ANKRD12: variants seen among roughly 807,000 people sequenced by gnomAD.
ANKRD12 encodes the protein ankyrin repeat domain-containing protein 12.
Under a neutral mutation model 183.4 loss-of-function variants are expected in ANKRD12, and 85 were observed. That is an observed-to-expected ratio of 0.46 (90% CI 0.39 to 0.56). ANKRD12 has a LOEUF of 0.56. Among genes scored for constraint, ANKRD12 ranks in the 20% least tolerant of loss-of-function variants. The probability of loss-of-function intolerance (pLI) is 0.00; values close to 1 mark genes in which losing one functional copy is unlikely to be tolerated. For synonymous variants in ANKRD12, 914 were observed against 800.2 expected (o/e 1.14, Z -2.40); for missense variants, 2,405 against 2,357.1 (o/e 1.02, Z -0.42).
At chr18:9,215,691 GA>G (rs1280426429) in intron 6 of ANKRD12, among the ~76,000 whole-genome samples, 1 of 151,870 alleles carries the variant, frequency 6.6e-6, no homozygotes, top group African/African-American at 2.4e-5. Context: ...CATTGTTAAA[GA>G]AAAAGCTGTG....
chr18:9,209,294 G>C (rs2035651614), intron 5 of ANKRD12, among the ~76,000 whole-genome samples: 1 of 152,164 alleles, frequency 6.6e-6, no homozygotes, highest in Non-Finnish European at 1.5e-5. Flanking sequence ...ACTGGCCTGA[G>C]ATAGTTATTA....
intron 2 of ANKRD12, among the ~76,000 whole-genome samples, chr18:9,185,702 A>C (rs2034002294): frequency 6.6e-6 from 1 of 152,198 alleles, no homozygotes; most frequent in Admixed American, 6.5e-5. Flanking sequence ...ATAGACCCTG[A>C]GGAATTCAAA....
intron 8 of ANKRD12, among the ~76,000 whole-genome samples, chr18:9,231,683 G>A (rs2037056978): frequency 6.6e-6 from 1 of 151,876 alleles, no homozygotes; most frequent in Non-Finnish European, 1.5e-5. Context: ...AAATTAGCCA[G>A]GCATGGTGGC....
At chr18:9,175,431 C>G (rs1468384101) in intron 1 of ANKRD12, among the ~76,000 whole-genome samples, 1 of 150,370 alleles carries the variant, frequency 6.7e-6, no homozygotes, top group Admixed American at 6.6e-5. Context: ...ATTCTCCCTC[C>G]TTTTGTCAGT....
chr18:9,171,265 G>T (rs897385787), intron 1 of ANKRD12, among the ~76,000 whole-genome samples: 31 of 152,168 alleles, frequency 2.0e-4, no homozygotes, highest in Admixed American at 1.3e-4. Context: ...CGTCTTCTGC[G>T]TCGCTGATGC....
chr18:9,245,198 C>G (rs2037887556), intron 8 of ANKRD12, among the ~76,000 whole-genome samples: 1 of 151,870 alleles, frequency 6.6e-6, no homozygotes, highest in African/African-American at 2.4e-5. Context: ...ACCTGGAATC[C>G]CAGCCCTTTG....
chr18:9,186,098 A>G (rs1216518047), intron 2 of ANKRD12, among the ~76,000 whole-genome samples: 2 of 151,688 alleles, frequency 1.3e-5, no homozygotes, highest in African/African-American at 4.8e-5. Context: ...AGTTGTCACG[A>G]AATAAGTAGT....
At chr18:9,184,263 A>C (rs1298445399) in intron 2 of ANKRD12, among the ~76,000 whole-genome samples, 1 of 152,088 alleles carries the variant, frequency 6.6e-6, no homozygotes, top group Non-Finnish European at 1.5e-5. Flanking sequence ...GGTGTTCTTA[A>C]TTTCTTCCTA....
intron 1 of ANKRD12, among the ~76,000 whole-genome samples, chr18:9,173,885 AAAT>A (rs923328356): frequency 1.6e-4 from 25 of 152,372 alleles, no homozygotes; most frequent in African/African-American, 6.0e-4. Context: ...AAGTATAAAA[AAAT>A]AATAAGAAGA....
In ANKRD12 at chr18:9,282,691, A is replaced by C. The variant is rs1335201505; in HGVS notation, c.*1565A>C. The C allele has an allele frequency of 3.9e-5, 6 of 152,654 alleles. No homozygotes were observed. 9.5% of individuals were successfully genotyped at this position (152,654 alleles called of 1,614,324 possible). On this transcript the variant is annotated 3_prime_UTR_variant, in exon 13 of 13. Coordinates refer to ENST00000262126, the MANE Select transcript of ANKRD12 (RefSeq NM_015208.5). ...CTGTTCCGATAGAGAAAAGTGAAGC[A>C]AATATGTGAGGAATGAAGTGATCTA...
At chr18:9,225,081 A>G (rs2036632115) in intron 8 of ANKRD12, among the ~76,000 whole-genome samples, 1 of 152,046 alleles carries the variant, frequency 6.6e-6, no homozygotes. Flanking sequence ...AGTAATTAAG[A>G]GAGACAACAG....
chr18:9,194,145 A>G (rs1159273846), intron 2 of ANKRD12, among the ~76,000 whole-genome samples: 1 of 151,994 alleles, frequency 6.6e-6, no homozygotes, highest in African/African-American at 2.4e-5. Flanking sequence ...GTGGTTCTCA[A>G]ACTTTACTAT....
chr18:9,213,465 A>G (rs1004448780), intron 6 of ANKRD12, among the ~76,000 whole-genome samples: 21 of 151,960 alleles, frequency 1.4e-4, no homozygotes, highest in African/African-American at 4.8e-4. Flanking sequence ...CATTGTTTCT[A>G]ATTAAAAACT....
chr18:9,253,014 A>G (rs535010712), intron 8 of ANKRD12, among the ~76,000 whole-genome samples: 3 of 152,254 alleles, frequency 2.0e-5, no homozygotes, highest in African/African-American at 7.2e-5. Context: ...TTATATATAT[A>G]AATGCATGTA....
In ANKRD12 at chr18:9,258,306, T is replaced by C. The variant is rs753812352; in HGVS notation, c.5039T>C (p.Leu1680Pro). Residue 1680 changes from leucine to proline, a missense_variant, in exon 9 of 13, where the codon CTT (leucine) becomes CCT (proline). By Grantham distance (98) the Leu-to-Pro change is moderately conservative (BLOSUM62 -3). This residue lies in a region of ANKRD12 where 1,983 missense variants were observed against 1,725.9 expected (regional missense o/e 1.15). Coordinates refer to ENST00000262126, the MANE Select transcript of ANKRD12 (RefSeq NM_015208.5). ...KHCPESEKCL[L>P]SIEDEESQQS... ...TGTCCTGAAAGTGAAAAGTGTTTGC[T>C]TTCCATAGAAGATGAGGAATCTCAA... 5 of 1,613,668 alleles carry C rather than the reference T, an allele frequency of 3.1e-6. No individual in the cohort carries two copies. Among genetic ancestry groups the C allele is most frequent in the Non-Finnish European group, 4.2e-6 (5 of 1,179,952 alleles).
chr18:9,187,014 G>T (rs2034127516), intron 2 of ANKRD12, among the ~76,000 whole-genome samples: 1 of 152,138 alleles, frequency 6.6e-6, no homozygotes, highest in Non-Finnish European at 1.5e-5. Flanking sequence ...GCCCACCTCA[G>T]CCTCCCAAAG....
In ANKRD12 at chr18:9,258,638, C is replaced by T. The variant is rs1324628142; in HGVS notation, c.5371C>T (p.Arg1791Cys). The T allele has an allele frequency of 3.1e-6, 5 of 1,613,884 alleles. No homozygotes were observed. The highest frequency in any genetic ancestry group is 1.7e-5 in the Admixed American group (1 of 59,974). Residue 1791 changes from arginine (R) to cysteine (C), a missense_variant, in exon 9 of 13, where the codon CGT (arginine) becomes TGT (cysteine). Arg to Cys is a radical substitution (Grantham distance 180, BLOSUM62 -3). Coordinates refer to ENST00000262126, the MANE Select transcript of ANKRD12 (RefSeq NM_015208.5). ...CCATCCACGGAAAAGGAAAGTGTCACGTGTACCTCAGCCTGTGCAAGTGAG... is the reference window on the plus strand; with the variant it reads ...CCATCCACGGAAAAGGAAAGTGTCATGTGTACCTCAGCCTGTGCAAGTGAG... ...IHHPRKRKVS[R>C]VPQPVQVSPS...
chr18:9,254,332 A>G lies in ANKRD12; in HGVS notation c.1065A>G (p.Pro355=). Residue 355 remains proline (P), a synonymous_variant, in exon 9 of 13, where the codon CCA becomes CCG. Transcript: ENST00000262126. ...KQILPSKTPL[P]SALDEYEFKD... ...TACTTCCCAGTAAAACACCTCTTCCATCTGCCCTTGATGAGTATGAGTTCA... is the reference window on the plus strand; with the variant it reads ...TACTTCCCAGTAAAACACCTCTTCCGTCTGCCCTTGATGAGTATGAGTTCA... The G allele has an allele frequency of 4.3e-6, 7 of 1,613,048 alleles. No individual in the cohort carries two copies. The highest frequency in any genetic ancestry group is 1.7e-4 in the Middle Eastern group (1 of 6,056).
intron 6 of ANKRD12, among the ~76,000 whole-genome samples, chr18:9,214,807 T>C (rs2036001088): frequency 1.3e-5 from 2 of 152,202 alleles, no homozygotes; most frequent in Admixed American, 1.3e-4. Flanking sequence ...GATGGAGCTA[T>C]GCTAGTGGGT....
Sources: allele counts gnomAD v4.1 joint callset (sites outside exome capture counted in the v4.1 genomes callset), GRCh38; gene constraint gnomAD v4.1.1; regional missense constraint gnomAD v4.1.1; transcripts MANE v1.5; gene names NCBI Gene and HGNC (gene_info 2026-07-23, HGNC 2026-07-21).